Variants in ARHGAP11A observed in about 807,000 individuals in gnomAD.
ARHGAP11A encodes rho GTPase-activating protein 11A.
Under a neutral mutation model 60.5 loss-of-function variants are expected in ARHGAP11A, and 36 were observed. That is an observed-to-expected ratio of 0.59 (90% CI 0.46 to 0.79). ARHGAP11A has a LOEUF of 0.79. ARHGAP11A is among the 30% of genes least tolerant of loss of function. The probability of loss-of-function intolerance (pLI) is 0.00; values close to 1 mark genes in which losing one functional copy is unlikely to be tolerated. For missense variants in ARHGAP11A, 1,071 were observed against 1,199.2 expected (o/e 0.89, Z 1.58); for synonymous variants, 362 against 415.5 (o/e 0.87, Z 1.57).
chr15:32,639,823 A>G lies in ARHGAP11A; in HGVS notation c.*1978A>G, dbSNP rs1474717584. 6.6e-6 allele frequency: 1 copy of G among 152,220 alleles called. No homozygotes were observed. Among genetic ancestry groups the G allele is most frequent in the Non-Finnish European group, 1.5e-5 (1 of 68,032 alleles). The allele number at this position is 152,220 out of a possible 1,614,324, so 9.4% of individuals were successfully genotyped here. ...TTTTATTTTTTCTTATACAAAATAG[A>G]GATAATGTTGCTAACTTCATGGAAT... On this transcript the variant is annotated 3_prime_UTR_variant, in exon 12 of 12. Coordinates refer to ENST00000361627, the MANE Select transcript of ARHGAP11A (RefSeq NM_014783.6).
At position 32,633,064 on chromosome 15, in the gene ARHGAP11A, T is replaced by C; in HGVS notation, c.1191T>C (p.Gly397=). Residue 397 remains glycine (G), a synonymous_variant, in exon 9 of 12, where the codon GGT becomes GGC. Transcript: ENST00000361627. The stretch of plus-strand genomic sequence containing the variant: ...GTGGAAACCATTTGATCACTGCAGG[T>C]GTGCCAAGGCGAAGTAAAAGAATTG... ...LIGGNHLITA[G]VPRRSKRIAG... 1.2e-6 allele frequency: 2 copies of C among 1,614,132 alleles called. No homozygotes were observed. Among genetic ancestry groups the C allele is most frequent in the Non-Finnish European group, 1.7e-6 (2 of 1,179,984 alleles).
intron 6 of ARHGAP11A, among the ~76,000 whole-genome samples, chr15:32,628,166 A>G (rs1382630352): frequency 6.6e-6 from 1 of 152,210 alleles, no homozygotes; most frequent in Non-Finnish European, 1.5e-5. Context: ...CATACCCTTC[A>G]GAAATTTTAA....
chr15:32,626,496 A>G (rs1040221137), intron 6 of ARHGAP11A, among the ~76,000 whole-genome samples: 2 of 152,132 alleles, frequency 1.3e-5, no homozygotes, highest in Non-Finnish European at 2.9e-5. Flanking sequence ...GTTACTAACT[A>G]TCCCAATCCC....
At chr15:32,620,823 TTGAGGGCCGAG>T (rs1263213159) in intron 2 of ARHGAP11A, among the ~76,000 whole-genome samples, 1 of 151,886 alleles carries the variant, frequency 6.6e-6, no homozygotes, top group Non-Finnish European at 1.5e-5. Context: ...TCCCAGCATT[TTGAGGGCCGAG>T]GCAGGAGGAT....
Position 32,633,966 on chromosome 15 carries a change from TA to T in ARHGAP11A, c.1273del (p.Ile425SerfsTer13). ...CAGGAAAAGCAGGCTGCTTTTCTCC[TA>T]AAATCAGCCATAAAGAAAAGGTTCG... ...ESGKAGCFSP[K>X]ISHKEKVRRS... On this transcript the variant is annotated frameshift_variant, in exon 10 of 12. Transcript: ENST00000361627. LOFTEE classifies it high-confidence loss of function. The T allele has an allele frequency of 3.1e-6, 5 of 1,605,320 alleles. No individual in the cohort carries two copies. The highest frequency in any genetic ancestry group is 4.2e-6 in the Non-Finnish European group (5 of 1,177,598).
At chr15:32,633,429 T>G (rs922711266) in intron 9 of ARHGAP11A, among the ~76,000 whole-genome samples, 3 of 151,958 alleles carry the variant, frequency 2.0e-5, no homozygotes, top group Non-Finnish European at 2.9e-5. Flanking sequence ...GCACTTGAGC[T>G]CAGGAGTTCA....
chr15:32,629,434 T>C (rs935888872), intron 7 of ARHGAP11A, among the ~76,000 whole-genome samples, 161 bp from the exon 8 acceptor site: 2 of 148,746 alleles, frequency 1.3e-5, no homozygotes, highest in Non-Finnish European at 3.0e-5. Context: ...AATTGCAGAG[T>C]GTTTTAGTTA....
chr15:32,618,832 G>A (rs925019905), intron 1 of ARHGAP11A, among the ~76,000 whole-genome samples: 2 of 143,068 alleles, frequency 1.4e-5, no homozygotes, highest in East Asian at 4.2e-4. Flanking sequence ...GGCGCCTGTA[G>A]TCCCAGCTAC....
In ARHGAP11A at chr15:32,616,320, A is replaced by G. The variant is rs1371749652; in HGVS notation, c.109A>G (p.Thr37Ala). Reference protein sequence around the residue: ...RGQCDRRRHETAATEIGGKIF... With the variant: ...RGQCDRRRHEAAATEIGGKIF... The stretch of plus-strand genomic sequence containing the variant: ...GCAGTGCGATCGCAGGAGACATGAA[A>G]CAGCAGCCACGGAAATAGGGGTAAG... Residue 37 changes from threonine (T) to alanine (A), a missense_variant, in exon 1 of 12, where the codon ACA becomes GCA. Physicochemically the swap from Thr to Ala is moderately conservative, Grantham distance 58 (BLOSUM62 0). This residue lies in a region of ARHGAP11A where 71 missense variants were observed against 142.4 expected (regional missense o/e 0.50). Transcript: ENST00000361627. 1.2e-6 allele frequency: 2 copies of G among 1,613,982 alleles called. No individual in the cohort carries two copies. The highest frequency in any genetic ancestry group is 1.7e-6 in the Non-Finnish European group (2 of 1,179,908).
At chr15:32,634,077 G>C (rs1246563221) in intron 10 of ARHGAP11A, 36 bp downstream of exon 10, 2 of 1,406,434 alleles carry the variant, frequency 1.4e-6, no homozygotes, top group Non-Finnish European at 2.0e-6. Context: ...CTTTATATTA[G>C]CATAACGCTA....
At position 32,623,481 on chromosome 15, in the gene ARHGAP11A, C is replaced by A. The variant is rs1279430440; in HGVS notation, c.201-11C>A. On this transcript the variant is annotated splice_polypyrimidine_tract_variant and intron_variant, in intron 2 of 11. Coordinates refer to ENST00000361627, the MANE Select transcript of ARHGAP11A (RefSeq NM_014783.6). ...TGTATGTCTAGCCACCTGAAAAAATCTCTCTTTCAGCTTTCTTGTCGATGC... is the reference window on the plus strand; with the variant it reads ...TGTATGTCTAGCCACCTGAAAAAATATCTCTTTCAGCTTTCTTGTCGATGC... 3 of 1,609,448 alleles carry A rather than the reference C, an allele frequency of 1.9e-6. No individual in the cohort carries two copies. Among genetic ancestry groups the A allele is most frequent in the Non-Finnish European group, 2.5e-6 (3 of 1,178,302 alleles).
At chr15:32,621,064 A>C (rs1000139780) in intron 2 of ARHGAP11A, among the ~76,000 whole-genome samples, 7 of 147,990 alleles carry the variant, frequency 4.7e-5, no homozygotes, top group African/African-American at 1.3e-4. Flanking sequence ...GAGTGAGACC[A>C]TGTCTCTTGA....
rs180905882 is a variant in ARHGAP11A, at chr15:32,637,217, A to G, written c.2444A>G (p.Asn815Ser). 1.2e-6 allele frequency: 2 copies of G among 1,614,258 alleles called. No individual in the cohort carries two copies. The highest frequency in any genetic ancestry group is 1.7e-5 in the Admixed American group (1 of 60,028). Residue 815 changes from asparagine to serine, a missense_variant, in exon 12 of 12, where the codon AAC becomes AGC. Asn to Ser is a conservative substitution (Grantham distance 46). Around this residue, in one of 4 missense-constraint regions of ARHGAP11A, gnomAD observed 776 missense variants for 760.2 expected, o/e 1.02. Coordinates refer to ENST00000361627, the MANE Select transcript of ARHGAP11A (RefSeq NM_014783.6). ...GTTTCTGATCACATACAGTGGTTTA[A>G]CAAGCTTTCTTTAAATGAACCAAAT... is the stretch of plus-strand genomic sequence containing the variant. The part of the protein sequence containing the change: ...RKVSDHIQWF[N>S]KLSLNEPNRI...
intron 2 of ARHGAP11A, among the ~76,000 whole-genome samples, chr15:32,621,995 T>G (rs1428834977): frequency 6.6e-6 from 1 of 152,312 alleles, no homozygotes; most frequent in Non-Finnish European, 1.5e-5. Flanking sequence ...AACACCTGGT[T>G]GCCTTAGGAC....
chr15:32,620,769 T>C (rs1406908371), intron 2 of ARHGAP11A, among the ~76,000 whole-genome samples: 1 of 152,068 alleles, frequency 6.6e-6, no homozygotes, highest in Admixed American at 6.6e-5. Flanking sequence ...TTTTTTTTGT[T>C]TGTTAAAAAA....
In ARHGAP11A at chr15:32,633,901, T is replaced by C. The variant is rs117603698; in HGVS notation, c.1236-32T>C. The stretch of plus-strand genomic sequence containing the variant: ...AAGTATTTCTCTGGTGTTTATACTA[T>C]AAACTGACATTTTTAATTCCACTTC... On this transcript the variant is annotated intron_variant, in intron 9 of 11. Transcript: ENST00000361627. The C allele has an allele frequency of 7.9e-4, 1,128 of 1,430,326 alleles. 9 individuals are homozygous for C. In the East Asian group the frequency reaches 0.023, roughly 30 times the overall value. 88.6% of individuals were successfully genotyped at this position (1,430,326 alleles called of 1,614,324 possible).
intron 2 of ARHGAP11A, among the ~76,000 whole-genome samples, chr15:32,620,754 T>C (rs1455480277): frequency 2.0e-5 from 3 of 152,134 alleles, no homozygotes; most frequent in Non-Finnish European, 2.9e-5. Flanking sequence ...AGTAATAATT[T>C]TGACTTTTTT....
At position 32,639,186 on chromosome 15, in the gene ARHGAP11A, T is replaced by C. The variant is rs2053791990; in HGVS notation, c.*1341T>C. The stretch of plus-strand genomic sequence containing the variant: ...AGAGTATTATGAACAATAGAACATA[T>C]TCTCTAGGTTGTAGAGGAAGGAATA... On this transcript the variant is annotated 3_prime_UTR_variant, in exon 12 of 12. Transcript: ENST00000361627. The C allele has an allele frequency of 6.6e-6, 1 of 152,320 alleles. No individual in the cohort carries two copies. The highest frequency in any genetic ancestry group is 1.5e-5 in the Non-Finnish European group (1 of 68,022). The allele number at this position is 152,320 out of a possible 1,614,324, so 9.4% of individuals were successfully genotyped here.
chr15:32,623,663 G>C, intron 3 of ARHGAP11A, 75 bp downstream of exon 3: 2 of 1,357,354 alleles, frequency 1.5e-6, no homozygotes, highest in Non-Finnish European at 2.0e-6. Context: ...GAAATATTTA[G>C]AACTATTAAT....
Sources: allele counts gnomAD v4.1 joint callset (sites outside exome capture counted in the v4.1 genomes callset), GRCh38; gene constraint gnomAD v4.1.1; regional missense constraint gnomAD v4.1.1; transcripts MANE v1.5; gene names NCBI Gene and HGNC (gene_info 2026-07-23, HGNC 2026-07-21).